Variants in HSPB8 observed in about 807,000 individuals in gnomAD.
HSPB8 encodes heat shock protein family B (small) member 8.
HSPB8 carries 9 observed loss-of-function variants against 16.5 expected under a neutral mutation model. The observed-to-expected ratio is 0.55, with a 90% CI of 0.33 to 0.95. HSPB8 has a LOEUF of 0.95. HSPB8 is among the 40% of genes least tolerant of loss of function. The probability of loss-of-function intolerance (pLI) is 0.03; values close to 1 mark genes in which losing one functional copy is unlikely to be tolerated. For synonymous variants in HSPB8, 99 were observed against 94.8 expected (o/e 1.04, Z -0.26); for missense variants, 238 against 251.2 (o/e 0.95, Z 0.35).
chr12:119,188,226 ACTCTCTCT>A (rs149750099), intron 2 of HSPB8, among the ~76,000 whole-genome samples: 4 of 137,080 alleles, frequency 2.9e-5, no homozygotes, highest in African/African-American at 8.5e-5. Flanking sequence ...TGGCCCCTAA[ACTCTCTCT>A]CTCTCTCTCT....
At chr12:119,186,532 C>T (rs773994249) in intron 1 of HSPB8, among the ~76,000 whole-genome samples, 7 of 152,110 alleles carry the variant, frequency 4.6e-5, no homozygotes, top group Non-Finnish European at 1.0e-4. Context: ...GGGAGAACGA[C>T]GTCTGGGCTC....
chr12:119,189,602 T>G (rs541291376), intron 2 of HSPB8, among the ~76,000 whole-genome samples: 6 of 152,254 alleles, frequency 3.9e-5, no homozygotes, highest in Admixed American at 2.6e-4. Flanking sequence ...ATCCCTCGCA[T>G]GCACAGTTCA....
chr12:119,188,293 C>A (rs2136084171), intron 2 of HSPB8, among the ~76,000 whole-genome samples: 1 of 146,108 alleles, frequency 6.8e-6, no homozygotes, highest in Non-Finnish European at 1.5e-5. Context: ...GTTGCCCAGG[C>A]TGGAGTGCAG....
chr12:119,194,709 T>TAAA lies in HSPB8; in HGVS notation c.*853_*854insAAA. ...GGGGTAAATAACAGTAAATAATTAA[T>TAAA]AATAATAATAATAATAATAAAGGAG... is the stretch of plus-strand genomic sequence containing the variant. On this transcript the variant is annotated 3_prime_UTR_variant, in exon 3 of 3. Transcript: ENST00000281938. 6.8e-6 allele frequency: 1 copy of TAAA among 147,262 alleles called. No homozygotes were observed. Among genetic ancestry groups the TAAA allele is most frequent in the Non-Finnish European group, 1.2e-5 (1 of 86,434 alleles). The allele number at this position is 147,262 out of a possible 1,614,324, so 9.1% of individuals were successfully genotyped here.
intron 1 of HSPB8, among the ~76,000 whole-genome samples, chr12:119,185,091 C>T (rs1423669699): frequency 6.6e-6 from 1 of 150,780 alleles, no homozygotes; most frequent in Non-Finnish European, 1.5e-5. Flanking sequence ...TAATAGCTTC[C>T]GTGGGGTGAC....
chr12:119,189,051 G>A (rs929195865), intron 2 of HSPB8, among the ~76,000 whole-genome samples: 4 of 152,180 alleles, frequency 2.6e-5, no homozygotes, highest in African/African-American at 7.2e-5. Flanking sequence ...GAAGCCTGTG[G>A]ACACTTCCTG....
chr12:119,187,891 T>C (rs1436148710), intron 2 of HSPB8, among the ~76,000 whole-genome samples: 2 of 152,150 alleles, frequency 1.3e-5, no homozygotes, highest in Non-Finnish European at 2.9e-5. Flanking sequence ...AAAATGAAGT[T>C]GGAAAGTGTC....
At chr12:119,183,369 C>T (rs1051832884) in intron 1 of HSPB8, 4 of 152,224 alleles carry the variant, frequency 2.6e-5, no homozygotes, top group African/African-American at 4.8e-5. Flanking sequence ...TGGGCCAGAC[C>T]CTGGCTAAGA....
At chr12:119,187,133 G>A (rs904390665) in intron 2 of HSPB8, 45 bp downstream of exon 2, 3 of 1,496,652 alleles carry the variant, frequency 2.0e-6, no homozygotes, top group Non-Finnish European at 1.9e-6. Context: ...AGTGGAGGAG[G>A]GGGCACACCT....
At chr12:119,180,100 C>T (rs1592927756) in intron 1 of HSPB8, among the ~76,000 whole-genome samples, 3 of 152,190 alleles carry the variant, frequency 2.0e-5, no homozygotes, top group East Asian at 1.9e-4. Context: ...TGTTAATAAC[C>T]GCAACTGGTT....
chr12:119,186,965 A>G (rs1417127600), intron 1 of HSPB8, 60 bp from the exon 2 acceptor site: 3 of 1,517,600 alleles, frequency 2.0e-6, no homozygotes, highest in Admixed American at 3.3e-5. Context: ...CCCAAGCCTC[A>G]GTCCTGAAGG....
At position 119,179,698 on chromosome 12, in the gene HSPB8, G is replaced by A. The variant is rs750447606; in HGVS notation, c.367+19G>A. The A allele has an allele frequency of 1.3e-6, 2 of 1,557,252 alleles. No homozygotes were observed. The highest frequency in any genetic ancestry group is 1.3e-5 in the South Asian group (1 of 79,658). On this transcript the variant is annotated intron_variant, in intron 1 of 2. Transcript: ENST00000281938. ...GTGTCTGGTAAGTCAGGGGCAGGAG[G>A]GAGAGAGAATGGGGAGGCCGGGATG... is the stretch of plus-strand genomic sequence containing the variant.
At chr12:119,183,481 A>G (rs1954652514) in intron 1 of HSPB8, among the ~76,000 whole-genome samples, 3 of 152,174 alleles carry the variant, frequency 2.0e-5, no homozygotes, top group Non-Finnish European at 2.9e-5. Flanking sequence ...AGCTGGGCCA[A>G]TAGTGTTCCA....
chr12:119,184,063 A>G (rs1283997130), intron 1 of HSPB8, among the ~76,000 whole-genome samples: 2 of 152,178 alleles, frequency 1.3e-5, no homozygotes, highest in Admixed American at 1.3e-4. Flanking sequence ...AAACTTAGAG[A>G]TGTGCCAGGA....
chr12:119,179,707 A>T (rs780139976), intron 1 of HSPB8, 28 bp downstream of exon 1: 13 of 1,550,098 alleles, frequency 8.4e-6, no homozygotes, highest in African/African-American at 1.4e-5. Context: ...GGGAGAGAGA[A>T]TGGGGAGGCC....
chr12:119,183,905 A>G (rs1010740322), intron 1 of HSPB8, among the ~76,000 whole-genome samples: 2 of 152,208 alleles, frequency 1.3e-5, no homozygotes, highest in African/African-American at 4.8e-5. Flanking sequence ...CCCAAACATC[A>G]AAATAAACCA....
intron 2 of HSPB8, among the ~76,000 whole-genome samples, chr12:119,189,302 GGTGTGTGTGTGT>G (rs60310566): frequency 1.5e-4 from 21 of 143,408 alleles, no homozygotes; most frequent in East Asian, 4.2e-4. Context: ...TCTTAAAAGG[GGTGTGTGTGTGT>G]GTGTGTGTGT....
At position 119,179,145 on chromosome 12, in the gene HSPB8, G is replaced by A; in HGVS notation, c.-168G>A. On this transcript the variant is annotated 5_prime_UTR_variant, in exon 1 of 3. Coordinates refer to ENST00000281938, the MANE Select transcript of HSPB8 (RefSeq NM_014365.3). ...TTGGGGGCTGGGACCCCAGTCGAGGGGACACAACCGTCCCTGGCAGTGGTT... is the reference window on the plus strand; with the variant it reads ...TTGGGGGCTGGGACCCCAGTCGAGGAGACACAACCGTCCCTGGCAGTGGTT... 1.4e-6 allele frequency: 1 copy of A among 728,150 alleles called. No homozygotes were observed. Among genetic ancestry groups the A allele is most frequent in the Non-Finnish European group, 2.4e-6 (1 of 416,880 alleles). 45.1% of individuals were successfully genotyped at this position (728,150 alleles called of 1,614,324 possible).
rs1954735142 is a variant in HSPB8 at position 119,194,724 on chromosome 12, T to C, written c.*866T>C. Reference sequence around the variant, plus strand: ...AAATAATTAATAATAATAATAATAATAATAAAGGAGCTGACGTTCTTAGCC... The same window carrying C: ...AAATAATTAATAATAATAATAATAACAATAAAGGAGCTGACGTTCTTAGCC... On this transcript the variant is annotated 3_prime_UTR_variant, in exon 3 of 3. Transcript: ENST00000281938. 1 of 350,348 alleles carries C rather than the reference T, an allele frequency of 2.9e-6. No individual in the cohort carries two copies. The highest frequency in any genetic ancestry group is 5.0e-6 in the Non-Finnish European group (1 of 201,310). 21.7% of individuals were successfully genotyped at this position (350,348 alleles called of 1,614,324 possible).
Sources: gnomAD v4.1 joint callset for allele counts (sites outside exome capture counted in the v4.1 genomes callset) on GRCh38, gnomAD v4.1.1 for gene constraint, MANE v1.5 for transcripts, NCBI Gene and HGNC (gene_info 2026-07-23, HGNC 2026-07-21) for gene names.